The following JAKMIP2 variants were observed in gnomAD, a reference collection of about 807,000 sequenced individuals.
JAKMIP2 encodes janus kinase and microtubule interacting protein 2.
A neutral mutation model predicts 115.0 loss-of-function variants in JAKMIP2; 25 were observed. That is an observed-to-expected ratio of 0.22 (90% CI 0.16 to 0.30). The LOEUF (loss-of-function observed/expected upper bound fraction) is 0.30. Ranked by LOEUF, JAKMIP2 falls within the 10% of genes least tolerant of loss-of-function variation. The pLI, the probability that JAKMIP2 is intolerant of heterozygous loss-of-function variation, is 1.00. For missense variants in JAKMIP2, 642 were observed against 957.6 expected, an observed-to-expected ratio of 0.67 and a Z score of 4.35; for synonymous variants, 334 against 343.6, an observed-to-expected ratio of 0.97 and a Z score of 0.31.
chr5:147,623,667 G>A lies in JAKMIP2; in HGVS notation c.2018C>T (p.Ala673Val), dbSNP rs1477153070. 3 of 1,611,722 alleles carry A rather than the reference G, an allele frequency of 1.9e-6. No individual in the cohort carries two copies. Among genetic ancestry groups the A allele is most frequent in the Non-Finnish European group, 2.5e-6 (3 of 1,177,936 alleles). Residue 673 changes from alanine (A) to valine (V), a missense_variant, in exon 17 of 22, where the codon GCT becomes GTT. Around this residue, in one of 6 missense-constraint regions of JAKMIP2, gnomAD observed 68 missense variants for 104.6 expected, o/e 0.65. Coordinates refer to ENST00000616793, the MANE Select transcript of JAKMIP2 (RefSeq NM_001270941.2). ...AEKWIQQIEG[A>V]EAALHQKMME... ...CATTTTCTGGTGTAGGGCAGCCTCA[G>A]CTCCTTCAATCTGCTGGATCCACTA...
At chr5:147,648,348 A>C (rs768687566) in intron 5 of JAKMIP2, 28 bp downstream of exon 5, 3 of 1,233,166 alleles carry the variant, frequency 2.4e-6, no homozygotes, top group Non-Finnish European at 3.6e-6. Flanking sequence ...TAACAACAAC[A>C]TCAACAAAAA....
intron 2 of JAKMIP2, 88 bp downstream of exon 2, chr5:147,671,590 G>A: frequency 8.5e-7 from 1 of 1,178,694 alleles, no homozygotes; most frequent in Middle Eastern, 3.2e-4. Context: ...GTCCACTGGG[G>A]TAGGCCAGCA....
intron 1 of JAKMIP2, among the ~76,000 whole-genome samples, chr5:147,674,087 C>T (rs1759788051): frequency 6.6e-6 from 1 of 152,190 alleles, no homozygotes; most frequent in African/African-American, 2.4e-5. Context: ...CATCTCAAAA[C>T]TAGCATAACT....
intron 1 of JAKMIP2, among the ~76,000 whole-genome samples, chr5:147,764,936 G>GAAAGAAAGAAAGAAAGAAAGAAA (rs1755076737): frequency 1.3e-5 from 1 of 76,856 alleles, no homozygotes; most frequent in African/African-American, 7.9e-5. Context: ...GAGAGAGAGA[G>GAAAGAAAGAAAGAAAGAAAGAAA]AGAGAGAGAG....
In JAKMIP2 at chr5:147,606,207, T is replaced by C. The variant is rs1055982857; in HGVS notation, c.2413-4396A>G. 5.4e-5 allele frequency among the ~76,000 whole-genome samples: 8 copies of C among 146,872 alleles called. No individual in the cohort carries two copies. The East Asian group carries it at 1.8e-3, about 32-fold the overall frequency. On this transcript the variant is annotated intron_variant, in intron 20 of 21. Coordinates refer to ENST00000616793, the MANE Select transcript of JAKMIP2 (RefSeq NM_001270941.2). ...CTTAATTAGATCCTATTTGTCAATT[T>C]TGGATTTTGTTGCCATTGCTTTTGG...
chr5:147,666,362 T>C (rs1207352041), intron 2 of JAKMIP2, among the ~76,000 whole-genome samples: 2 of 152,156 alleles, frequency 1.3e-5, no homozygotes, highest in East Asian at 3.8e-4. Context: ...ATAAAGATGA[T>C]AATACTTTGA....
At chr5:147,740,847 C>A (rs1047814844) in intron 1 of JAKMIP2, among the ~76,000 whole-genome samples, 3 of 152,268 alleles carry the variant, frequency 2.0e-5, no homozygotes, top group African/African-American at 7.2e-5. Context: ...AAACCTCACA[C>A]AAAGGGTTGG....
chr5:147,737,170 G>A (rs12656141), intron 1 of JAKMIP2, among the ~76,000 whole-genome samples: 41,298 of 152,106 alleles, frequency 0.27, 5,782 homozygotes, highest in Middle Eastern at 0.38. Context: ...ATGTCAAAAT[G>A]TCTCTTAATA....
chr5:147,728,118 G>T lies in JAKMIP2; in HGVS notation c.-149+54338C>A, dbSNP rs573421145. Reference sequence around the variant, plus strand: ...GGTATCAGAAATTACTTCGCAGTATGTGAGAATTTTGATTTATAATAACTA... The same window carrying T: ...GGTATCAGAAATTACTTCGCAGTATTTGAGAATTTTGATTTATAATAACTA... On this transcript the variant is annotated intron_variant, in intron 1 of 21. Transcript: ENST00000616793. Among the ~76,000 whole-genome samples the T allele has an allele frequency of 2.0e-5, 3 of 152,296 alleles. No homozygotes were observed. In the East Asian group the frequency reaches 5.8e-4, roughly 29 times the overall value.
chr5:147,630,483 A>C (rs896434235), intron 14 of JAKMIP2, among the ~76,000 whole-genome samples: 1 of 152,198 alleles, frequency 6.6e-6, no homozygotes, highest in African/African-American at 2.4e-5. Flanking sequence ...CCAGAAGTTT[A>C]AACACCAGGA....
intron 19 of JAKMIP2, among the ~76,000 whole-genome samples, chr5:147,615,755 G>A (rs1307676419): frequency 6.6e-6 from 1 of 152,020 alleles, no homozygotes; most frequent in Non-Finnish European, 1.5e-5. Flanking sequence ...CCTTCGTTTT[G>A]TGAAGGCAGG....
chr5:147,602,504 T>C (rs1399005307), intron 20 of JAKMIP2, among the ~76,000 whole-genome samples: 1 of 152,224 alleles, frequency 6.6e-6, no homozygotes, highest in Non-Finnish European at 1.5e-5. Flanking sequence ...AAATGCGTGA[T>C]GTTGTTCCAC....
At chr5:147,606,345 G>A (rs750019942) in intron 20 of JAKMIP2, among the ~76,000 whole-genome samples, 2 of 152,144 alleles carry the variant, frequency 1.3e-5, no homozygotes, top group African/African-American at 4.8e-5. Context: ...AATCCATCTT[G>A]AGTTAATTTT....
chr5:147,677,984 T>C (rs139939239), intron 1 of JAKMIP2, among the ~76,000 whole-genome samples: 3,533 of 152,118 alleles, frequency 0.023, 63 homozygotes, highest in Middle Eastern at 0.061. Flanking sequence ...TATTCTTCCC[T>C]CCCCACCTGC....
At chr5:147,756,462 C>T (rs1754748308) in intron 1 of JAKMIP2, among the ~76,000 whole-genome samples, 1 of 152,134 alleles carries the variant, frequency 6.6e-6, no homozygotes, top group Admixed American at 6.5e-5. Flanking sequence ...GGTTATAAGA[C>T]ATTAAAACAG....
chr5:147,735,427 G>T (rs1753884027), intron 1 of JAKMIP2, among the ~76,000 whole-genome samples: 1 of 152,166 alleles, frequency 6.6e-6, no homozygotes, highest in South Asian at 2.1e-4. Context: ...CAAGGTGGAA[G>T]GTAAATGAGG....
intron 12 of JAKMIP2, among the ~76,000 whole-genome samples, chr5:147,634,090 A>G (rs2126694991): frequency 6.6e-6 from 1 of 152,310 alleles, no homozygotes; most frequent in South Asian, 2.1e-4. Context: ...ACATACAGTA[A>G]CTATTTAAAA....
chr5:147,778,959 G>C (rs571360887), intron 1 of JAKMIP2, among the ~76,000 whole-genome samples: 1 of 151,996 alleles, frequency 6.6e-6, no homozygotes, highest in African/African-American at 2.4e-5. Flanking sequence ...TGTAAACAGG[G>C]AATTGCAACA....
In JAKMIP2 at chr5:147,742,485, G is replaced by A. The variant is rs1459717880; in HGVS notation, c.-149+39971C>T. ...GCCAGGTCTATGGGAAACAACTAAC[G>A]AAGTCTAGCTCCCATGAAGTTTGCA... On this transcript the variant is annotated intron_variant, in intron 1 of 21. Coordinates refer to ENST00000616793, the MANE Select transcript of JAKMIP2 (RefSeq NM_001270941.2). Among the ~76,000 whole-genome samples, 9 of 152,168 alleles carry A rather than the reference G, an allele frequency of 5.9e-5. No individual in the cohort carries two copies. In the East Asian group the frequency reaches 1.2e-3, roughly 20 times the overall value.
Sources: allele counts gnomAD v4.1 joint callset (sites outside exome capture counted in the v4.1 genomes callset), GRCh38; gene constraint gnomAD v4.1.1; regional missense constraint gnomAD v4.1.1; transcripts MANE v1.5; gene names NCBI Gene and HGNC (gene_info 2026-07-23, HGNC 2026-07-21).